The following ENOX1 variants were observed in gnomAD, a reference collection of about 807,000 sequenced individuals.
ENOX1 encodes the protein candidate growth-related and time keeping constitutive hydroquinone (NADH) oxidase.
In ENOX1, 42 loss-of-function variants were observed where a neutral mutation model predicts 82.5. That is an observed-to-expected ratio of 0.51 (90% CI 0.40 to 0.66). ENOX1 has a LOEUF of 0.66. Ranked by LOEUF, ENOX1 falls within the 30% of genes least tolerant of loss-of-function variation. The pLI is 0.00. For missense variants in ENOX1, 608 were observed against 811.6 expected (o/e 0.75, Z 3.05); for synonymous variants, 271 against 282.2 (o/e 0.96, Z 0.40).
chr13:43,704,142 A>G (rs1251404804), intron 1 of ENOX1, among the ~76,000 whole-genome samples: 1 of 152,166 alleles, frequency 6.6e-6, no homozygotes, highest in Non-Finnish European at 1.5e-5. Flanking sequence ...GTGTCTTTTA[A>G]ACAAAAGAAA....
intron 3 of ENOX1, among the ~76,000 whole-genome samples, chr13:43,476,277 C>A (rs1445314956): frequency 6.6e-6 from 1 of 152,080 alleles, no homozygotes; most frequent in East Asian, 1.9e-4. Context: ...TATGTATTCA[C>A]TTGAGAATTT....
At chr13:43,585,874 G>C (rs1447830147) in intron 2 of ENOX1, among the ~76,000 whole-genome samples, 1 of 152,146 alleles carries the variant, frequency 6.6e-6, no homozygotes, top group Admixed American at 6.6e-5. Context: ...ACTGCACCTG[G>C]CCAAGTTTTG....
At chr13:43,751,234 C>T (rs532905913) in intron 1 of ENOX1, among the ~76,000 whole-genome samples, 1 of 152,340 alleles carries the variant, frequency 6.6e-6, no homozygotes, top group African/African-American at 2.4e-5. Flanking sequence ...CTAAGGTCAG[C>T]CACCCTTGTA....
intron 2 of ENOX1, among the ~76,000 whole-genome samples, chr13:43,644,383 A>G (rs2083800885): frequency 6.6e-6 from 1 of 152,202 alleles, no homozygotes; most frequent in Non-Finnish European, 1.5e-5. Context: ...GTTGAAGCAG[A>G]TTCTTGACTT....
chr13:43,335,780 A>G (rs1027651694), intron 9 of ENOX1, among the ~76,000 whole-genome samples: 3 of 151,550 alleles, frequency 2.0e-5, no homozygotes, highest in African/African-American at 7.3e-5. Flanking sequence ...AAAAAAAAAA[A>G]AAAGAAAAGA....
At chr13:43,584,559 A>T (rs1037537297) in intron 2 of ENOX1, among the ~76,000 whole-genome samples, 8 of 152,234 alleles carry the variant, frequency 5.3e-5, no homozygotes, top group African/African-American at 1.9e-4. Flanking sequence ...TTAGAACAGT[A>T]CAAAAATGCC....
At chr13:43,523,122 A>G (rs2077843884) in intron 2 of ENOX1, among the ~76,000 whole-genome samples, 1 of 152,202 alleles carries the variant, frequency 6.6e-6, no homozygotes, top group Non-Finnish European at 1.5e-5. Context: ...CATCCTCTGC[A>G]AGAGTTGCTC....
chr13:43,333,658 T>G (rs960041008), intron 9 of ENOX1, among the ~76,000 whole-genome samples: 1 of 152,264 alleles, frequency 6.6e-6, no homozygotes. Context: ...GGAGTCTCAC[T>G]GTCACCCAGC....
intron 2 of ENOX1, among the ~76,000 whole-genome samples, chr13:43,646,669 A>G (rs944935526): frequency 6.6e-6 from 1 of 152,124 alleles, no homozygotes; most frequent in Non-Finnish European, 1.5e-5. Flanking sequence ...GTCATCAATC[A>G]CCCTCTCTCA....
intron 3 of ENOX1, among the ~76,000 whole-genome samples, chr13:43,448,041 T>C (rs566124341): frequency 6.6e-6 from 1 of 152,358 alleles, no homozygotes; most frequent in Non-Finnish European, 1.5e-5. Flanking sequence ...GTAATATTTA[T>C]TGAAAGGTAA....
chr13:43,619,698 C>A (rs896042413), intron 2 of ENOX1, among the ~76,000 whole-genome samples: 1 of 151,908 alleles, frequency 6.6e-6, no homozygotes, highest in East Asian at 1.9e-4. Context: ...TCAAGGATAT[C>A]GGTCTGTAGT....
In ENOX1 at chr13:43,643,589, G is replaced by C. The variant is rs1594234190; in HGVS notation, c.-219+23890C>G. On this transcript the variant is annotated intron_variant, in intron 2 of 16. Coordinates refer to ENST00000690772, the MANE Select transcript of ENOX1 (RefSeq NM_001347969.2). ...CTTAACATTTTATATATAATCTGAAGACATCCTGTATGTATGTGCATGTAT... is the reference window on the plus strand; with the variant it reads ...CTTAACATTTTATATATAATCTGAACACATCCTGTATGTATGTGCATGTAT... Among the ~76,000 whole-genome samples, 3 of 151,486 alleles carry C rather than the reference G, an allele frequency of 2.0e-5. No individual in the cohort carries two copies. In the Middle Eastern group the frequency reaches 0.01, roughly 522 times the overall value.
At chr13:43,641,578 CA>C (rs1313082791) in intron 2 of ENOX1, among the ~76,000 whole-genome samples, 1 of 119,848 alleles carries the variant, frequency 8.3e-6, no homozygotes, top group East Asian at 2.8e-4. Flanking sequence ...CTCTGTCGCC[CA>C]GGCTGGAGTG....
At chr13:43,701,496 T>C (rs1342999846) in intron 1 of ENOX1, among the ~76,000 whole-genome samples, 2 of 152,212 alleles carry the variant, frequency 1.3e-5, no homozygotes, top group Non-Finnish European at 2.9e-5. Context: ...AATTATTGTG[T>C]GTATACCTTA....
At chr13:43,327,955 G>A (rs2048207512) in intron 9 of ENOX1, among the ~76,000 whole-genome samples, 1 of 152,034 alleles carries the variant, frequency 6.6e-6, no homozygotes, top group Non-Finnish European at 1.5e-5. Flanking sequence ...TCCACTTCAG[G>A]AGAATCCCAA....
At chr13:43,228,759 T>C (rs1255327225) in intron 15 of ENOX1, among the ~76,000 whole-genome samples, 1 of 152,204 alleles carries the variant, frequency 6.6e-6, no homozygotes, top group Admixed American at 6.5e-5. Context: ...TTGTATAAGA[T>C]AGGCAAGGGG....
At chr13:43,558,387 GA>G (rs1375748375) in intron 2 of ENOX1, among the ~76,000 whole-genome samples, 4 of 152,154 alleles carry the variant, frequency 2.6e-5, no homozygotes, top group African/African-American at 9.7e-5. Context: ...CAGTTAATTT[GA>G]AAACAATTAG....
chr13:43,231,485 TA>T (rs1370355244), intron 15 of ENOX1, among the ~76,000 whole-genome samples: 4 of 152,230 alleles, frequency 2.6e-5, no homozygotes, highest in Non-Finnish European at 5.9e-5. Context: ...GTACAAAACC[TA>T]ATCTTGTATG....
intron 12 of ENOX1, among the ~76,000 whole-genome samples, chr13:43,281,043 G>T (rs966455420): frequency 1.3e-5 from 2 of 152,154 alleles, no homozygotes; most frequent in South Asian, 2.1e-4. Context: ...TTTCACCTAT[G>T]CCCTAATCCA....
Sources: allele counts gnomAD v4.1 joint callset (sites outside exome capture counted in the v4.1 genomes callset), GRCh38; gene constraint gnomAD v4.1.1; transcripts MANE v1.5; gene names NCBI Gene and HGNC (gene_info 2026-07-23, HGNC 2026-07-21).